Variants in PHF14 observed in about 807,000 individuals in gnomAD.
The protein encoded by PHF14 is PHD finger protein 14.
PHF14 carries 55 observed loss-of-function variants against 117.9 expected under a neutral mutation model. The ratio of observed to expected loss-of-function variants is 0.47; its 90% CI spans 0.38 to 0.58. The LOEUF is 0.58. PHF14 is among the 20% of genes least tolerant of loss of function. The pLI is 0.00. For missense variants in PHF14, 978 were observed against 1,122.2 expected (o/e 0.87, Z 1.84); for synonymous variants, 409 against 368.6 (o/e 1.11, Z -1.26).
intron 17 of PHF14, among the ~76,000 whole-genome samples, chr7:11,142,522 C>A (rs142770871): frequency 1.3e-5 from 2 of 151,994 alleles, no homozygotes; most frequent in African/African-American, 4.8e-5. Context: ...TCATTTCAGC[C>A]GCAAGCTTAT....
rs895021469 is a variant in PHF14, at chr7:11,130,953, C to T, written c.2772+19486C>T. ...ATTTGGCTTCTTTCCGTAAGCAATA[C>T]GCATTTAGGGGTTTGTCATGTCTTT... On this transcript the variant is annotated intron_variant, in intron 17 of 17. Coordinates refer to ENST00000634607, the MANE Select transcript of PHF14 (RefSeq NM_001007157.2). This position sits in a 1 kb window ranked among gnomAD's most constrained non-coding sequence, Gnocchi z 4.2. 6.6e-5 allele frequency among the ~76,000 whole-genome samples: 10 copies of T among 151,774 alleles called. No homozygotes were observed. The highest frequency in any genetic ancestry group is 4.1e-4 in the South Asian group (2 of 4,826).
intron 4 of PHF14, among the ~76,000 whole-genome samples, chr7:11,008,834 G>T (rs1783229711): frequency 6.6e-6 from 1 of 151,958 alleles, no homozygotes; most frequent in Non-Finnish European, 1.5e-5. Context: ...AGGAGATCGA[G>T]ACCATCCTGA....
intron 12 of PHF14, 69 bp from the exon 13 acceptor site, chr7:11,042,614 A>G (rs1385892878): frequency 2.8e-6 from 3 of 1,073,670 alleles, no homozygotes; most frequent in African/African-American, 3.3e-5. Context: ...GTTGAAAAAT[A>G]TGCTATAAGT....
At chr7:11,144,213 G>A (rs1788479128) in intron 17 of PHF14, among the ~76,000 whole-genome samples, 1 of 152,072 alleles carries the variant, frequency 6.6e-6, no homozygotes, top group South Asian at 2.1e-4. Context: ...ACAAAAAATA[G>A]CAAATGGTAG....
intron 7 of PHF14, among the ~76,000 whole-genome samples, chr7:11,035,120 A>C (rs116837601): frequency 0.013 from 2,035 of 152,194 alleles, 44 homozygotes; most frequent in African/African-American, 0.046. Flanking sequence ...GAAAAAAAAA[A>C]AGCGTAATAA....
chr7:11,086,272 A>C (rs1786406232), intron 16 of PHF14, among the ~76,000 whole-genome samples: 1 of 152,190 alleles, frequency 6.6e-6, no homozygotes, highest in Non-Finnish European at 1.5e-5. Flanking sequence ...AGCATGGCTT[A>C]TAAGGCCCTC....
At chr7:10,995,849 C>T (rs563827836) in intron 4 of PHF14, among the ~76,000 whole-genome samples, 291 of 152,336 alleles carry the variant, frequency 1.9e-3, no homozygotes, top group Non-Finnish European at 3.1e-3. Flanking sequence ...CATGCCCACC[C>T]GGAACTCGCG....
intron 4 of PHF14, among the ~76,000 whole-genome samples, chr7:10,999,560 C>A (rs1782784800): frequency 6.6e-6 from 1 of 152,110 alleles, no homozygotes; most frequent in Non-Finnish European, 1.5e-5. Flanking sequence ...TCCTTGGACT[C>A]TTAACTTAGG....
intron 16 of PHF14, among the ~76,000 whole-genome samples, chr7:11,070,923 C>T (rs1026195614): frequency 1.3e-5 from 2 of 152,148 alleles, no homozygotes; most frequent in African/African-American, 4.8e-5. Context: ...CATTTCTTTA[C>T]ATAGTTCCTG....
intron 5 of PHF14, among the ~76,000 whole-genome samples, 183 bp from the exon 6 acceptor site, chr7:11,022,685 C>CT (rs1468768895): frequency 6.6e-6 from 1 of 152,066 alleles, no homozygotes; most frequent in African/African-American, 2.4e-5. Flanking sequence ...TTTTTTGTAA[C>CT]TAAGTGTTAT....
In PHF14 at chr7:10,974,069, C is replaced by T. The variant is rs1245171724; in HGVS notation, c.-255C>T. 4.2e-6 allele frequency: 2 copies of T among 479,912 alleles called. No homozygotes were observed. Among genetic ancestry groups the T allele is most frequent in the South Asian group, 6.2e-5 (2 of 32,164 alleles). 29.7% of individuals were successfully genotyped at this position (479,912 alleles called of 1,614,324 possible). A position where few individuals can be genotyped will look rare whatever the true frequency, so the allele number is the denominator to read the frequency against. On this transcript the variant is annotated 5_prime_UTR_variant, in exon 1 of 18. Coordinates refer to ENST00000634607, the MANE Select transcript of PHF14 (RefSeq NM_001007157.2). Reference sequence around the variant, plus strand: ...CGCCGGGTTGACTGCGCTGCCTGGGCCGGAGGTCTTCTCCGGCCAGGGAGC... The same window carrying T: ...CGCCGGGTTGACTGCGCTGCCTGGGTCGGAGGTCTTCTCCGGCCAGGGAGC...
intron 6 of PHF14, among the ~76,000 whole-genome samples, chr7:11,026,570 A>G (rs1210322100): frequency 6.6e-6 from 1 of 152,182 alleles, no homozygotes; most frequent in East Asian, 1.9e-4. Context: ...TAGTGTGAGC[A>G]GTGGGCTTCT....
Position 11,130,782 on chromosome 7 carries a change from C to G in PHF14, c.2772+19315C>G, listed in dbSNP as rs545775138. ...ACATGTCCACCATTACAGTGTCATA[C>G]AGAATAGTTCACTGCCCTAAAGATC... On this transcript the variant is annotated intron_variant, in intron 17 of 17. Transcript: ENST00000634607. The surrounding 1 kb of genome is among the most constrained non-coding windows in gnomAD (Gnocchi z 4.2). Among the ~76,000 whole-genome samples the G allele has an allele frequency of 6.6e-6, 1 of 152,032 alleles. No homozygotes were observed. Among genetic ancestry groups the G allele is most frequent in the East Asian group, 1.9e-4 (1 of 5,166 alleles).
At chr7:11,026,559 A>G (rs992213182) in intron 6 of PHF14, among the ~76,000 whole-genome samples, 14 of 152,270 alleles carry the variant, frequency 9.2e-5, no homozygotes, top group Admixed American at 5.9e-4. Context: ...GCCCACTTCA[A>G]TAGTGTGAGC....
At chr7:11,022,133 A>G (rs1293634942) in intron 5 of PHF14, among the ~76,000 whole-genome samples, 1 of 152,306 alleles carries the variant, frequency 6.6e-6, no homozygotes, top group East Asian at 1.9e-4. Flanking sequence ...ATGAAATTAG[A>G]AACAACTGCA....
intron 14 of PHF14, among the ~76,000 whole-genome samples, chr7:11,054,778 T>C (rs1784960522): frequency 6.6e-6 from 1 of 152,180 alleles, no homozygotes; most frequent in Non-Finnish European, 1.5e-5. Context: ...TCCTCCTACT[T>C]ACACTTTTAT....
chr7:11,043,213 A>G (rs895360822), intron 13 of PHF14, among the ~76,000 whole-genome samples: 1 of 151,864 alleles, frequency 6.6e-6, no homozygotes, highest in Non-Finnish European at 1.5e-5. Context: ...TACTTCTGGT[A>G]TTTGGTATTT....
chr7:10,980,205 T>G (rs1562558975), intron 2 of PHF14, among the ~76,000 whole-genome samples: 1 of 152,140 alleles, frequency 6.6e-6, no homozygotes. Context: ...ATCTTACTTT[T>G]GCGTCTATCG....
Position 11,053,167 on chromosome 7 carries a change from A to G in PHF14, c.2481+1387A>G, listed in dbSNP as rs547127172. 5.9e-5 allele frequency among the ~76,000 whole-genome samples: 9 copies of G among 152,236 alleles called. No individual in the cohort carries two copies. In the South Asian group the frequency reaches 1.9e-3, roughly 32 times the overall value. ...GAGTCTTTAATTTTTTCCTTAAAGTAACAGTTTTCTCAAAAAACATTTTCT... is the reference window on the plus strand; with the variant it reads ...GAGTCTTTAATTTTTTCCTTAAAGTGACAGTTTTCTCAAAAAACATTTTCT... On this transcript the variant is annotated intron_variant, in intron 14 of 17. Coordinates refer to ENST00000634607, the MANE Select transcript of PHF14 (RefSeq NM_001007157.2).
Sources: allele counts gnomAD v4.1 joint callset (sites outside exome capture counted in the v4.1 genomes callset), GRCh38; gene constraint gnomAD v4.1.1; non-coding constraint Gnocchi (gnomAD v3.1); transcripts MANE v1.5; gene names NCBI Gene and HGNC (gene_info 2026-07-23, HGNC 2026-07-21).